Variants in NDUFS4 observed in about 807,000 individuals in gnomAD.
NDUFS4 encodes the protein NADH dehydrogenase [ubiquinone] iron-sulfur protein 4, mitochondrial.
Under a neutral mutation model 24.3 loss-of-function variants are expected in NDUFS4, and 28 were observed. The observed-to-expected ratio is 1.15, with a 90% CI of 0.85 to 1.58. The LOEUF (loss-of-function observed/expected upper bound fraction) is 1.58. Ranked by LOEUF, NDUFS4 falls within the 40% of genes most tolerant of loss-of-function variation. The pLI is 0.00. For missense variants in NDUFS4, 223 were observed against 207.9 expected (o/e 1.07, Z -0.45); for synonymous variants, 93 against 69.7 (o/e 1.34, Z -1.67).
rs574090961 is a variant in NDUFS4, at chr5:53,682,188, T to C, written c.425-930T>C. Among the ~76,000 whole-genome samples the C allele has an allele frequency of 6.0e-4, 92 of 152,218 alleles. 1 individual carries two copies. In the South Asian group the frequency reaches 0.018, roughly 30 times the overall value. On this transcript the variant is annotated intron_variant, in intron 4 of 4. Coordinates refer to ENST00000296684, the MANE Select transcript of NDUFS4 (RefSeq NM_002495.4). Reference sequence around the variant, plus strand: ...TTAGGGAATAAAAGAATGACTTAATTATATTTTTAAGGAGGAGGATGTTGA... The same window carrying C: ...TTAGGGAATAAAAGAATGACTTAATCATATTTTTAAGGAGGAGGATGTTGA...
intron 2 of NDUFS4, among the ~76,000 whole-genome samples, chr5:53,607,286 A>G (rs1346026369): frequency 6.6e-6 from 1 of 152,202 alleles, no homozygotes; most frequent in Non-Finnish European, 1.5e-5. Context: ...CGGTCTTTAA[A>G]TACTAGAAAG....
chr5:53,663,993 G>A (rs1401720621), intron 4 of NDUFS4, among the ~76,000 whole-genome samples: 1 of 152,130 alleles, frequency 6.6e-6, no homozygotes, highest in Non-Finnish European at 1.5e-5. Flanking sequence ...TCCATGTGTA[G>A]TGCTTCCTTC....
chr5:53,625,635 A>G (rs1017617746), intron 2 of NDUFS4, among the ~76,000 whole-genome samples: 4 of 152,094 alleles, frequency 2.6e-5, no homozygotes, highest in Admixed American at 6.5e-5. Flanking sequence ...CCAATTTTCT[A>G]TTAATCCCTT....
At chr5:53,604,235 A>G (rs1750426808) in intron 2 of NDUFS4, among the ~76,000 whole-genome samples, 1 of 152,192 alleles carries the variant, frequency 6.6e-6, no homozygotes, top group South Asian at 2.1e-4. Flanking sequence ...TTCATTTTAT[A>G]TCTGGTTTAC....
chr5:53,641,986 A>G (rs1447086158), intron 2 of NDUFS4, among the ~76,000 whole-genome samples: 6 of 152,166 alleles, frequency 3.9e-5, no homozygotes, highest in Non-Finnish European at 8.8e-5. Flanking sequence ...ACTGTTCAGC[A>G]TTGATCCATA....
At chr5:53,595,640 T>C (rs879288411) in intron 1 of NDUFS4, among the ~76,000 whole-genome samples, 1 of 152,212 alleles carries the variant, frequency 6.6e-6, no homozygotes, top group Non-Finnish European at 1.5e-5. Context: ...TCCGGTTTCT[T>C]TGTTAGCATC....
At chr5:53,631,662 A>G (rs1751414007) in intron 2 of NDUFS4, among the ~76,000 whole-genome samples, 1 of 152,152 alleles carries the variant, frequency 6.6e-6, no homozygotes, top group Admixed American at 6.5e-5. Context: ...TCCCAGCAGC[A>G]TTGTTTACAC....
chr5:53,601,128 C>T (rs1241537685), intron 1 of NDUFS4, among the ~76,000 whole-genome samples: 1 of 151,688 alleles, frequency 6.6e-6, no homozygotes, highest in Non-Finnish European at 1.5e-5. Flanking sequence ...CCTCAGCCTC[C>T]GAGTAGCTGC....
Position 53,666,151 on chromosome 5 carries a change from T to C in NDUFS4, c.424+7527T>C, listed in dbSNP as rs184695950. On this transcript the variant is annotated intron_variant, in intron 4 of 4. Coordinates refer to ENST00000296684, the MANE Select transcript of NDUFS4 (RefSeq NM_002495.4). ...CTCTCTTTGTGAACTGTAACATAGT[T>C]ATGAAAAACAGTTCCATTAATTTTT... 8.8e-3 allele frequency among the ~76,000 whole-genome samples: 1,342 copies of C among 152,360 alleles called. 8 individuals are homozygous for C. Among genetic ancestry groups the C allele is most frequent in the Middle Eastern group, 0.02 (6 of 294 alleles).
intron 4 of NDUFS4, among the ~76,000 whole-genome samples, chr5:53,666,354 G>A (rs189526121): frequency 6.6e-6 from 1 of 152,254 alleles, no homozygotes; most frequent in East Asian, 1.9e-4. Flanking sequence ...GCCAGTGTGA[G>A]CTCACCACTG....
intron 1 of NDUFS4, among the ~76,000 whole-genome samples, chr5:53,577,684 C>T (rs1749429685): frequency 2.6e-5 from 4 of 152,076 alleles, no homozygotes; most frequent in Admixed American, 2.0e-4. Context: ...ATTTGTTTTA[C>T]TCACCTGTTC....
Position 53,560,667 on chromosome 5 carries a change from C to G in NDUFS4, c.5C>G (p.Ala2Gly). ...CTGGCGTTTGCCTGCAGCAAGATGG[C>G]GGCGGTGTCAATGTCAGTGGTACTG... is the stretch of plus-strand genomic sequence containing the variant. M[A>G]AVSMSVVLRQ... The change falls in exon 1 of 5, where the codon GCG becomes GGG. Residue 2 changes from alanine (A) to glycine (G), a missense_variant. Transcript: ENST00000296684. The G allele has an allele frequency of 1.2e-6, 2 of 1,614,212 alleles. No individual in the cohort carries two copies. The highest frequency in any genetic ancestry group is 1.7e-6 in the Non-Finnish European group (2 of 1,180,044).
chr5:53,576,317 GA>G (rs767846668), intron 1 of NDUFS4, among the ~76,000 whole-genome samples: 1 of 151,990 alleles, frequency 6.6e-6, no homozygotes, highest in African/African-American at 2.4e-5. Flanking sequence ...GCTTAGGCAA[GA>G]AGAGAGAATT....
intron 1 of NDUFS4, among the ~76,000 whole-genome samples, chr5:53,582,045 A>G (rs1579833047): frequency 6.6e-6 from 1 of 151,880 alleles, no homozygotes; most frequent in Non-Finnish European, 1.5e-5. Flanking sequence ...CCCTGTCTCT[A>G]CTAAAAATAC....
rs150153636 is a variant in NDUFS4, at chr5:53,668,595, A to C, written c.424+9971A>C. ...TGCCTCAGCTTCCTGGACTACAGGC[A>C]TGCACCACCATGTCCAGCTAATTTT... On this transcript the variant is annotated intron_variant, in intron 4 of 4. Transcript: ENST00000296684. Among the ~76,000 whole-genome samples, 959 of 149,536 alleles carry C rather than the reference A, an allele frequency of 6.4e-3. 12 individuals carry two copies. The highest frequency in any genetic ancestry group is 0.022 in the African/African-American group (889 of 40,670).
At chr5:53,594,971 A>G (rs2112446688) in intron 1 of NDUFS4, among the ~76,000 whole-genome samples, 1 of 152,194 alleles carries the variant, frequency 6.6e-6, no homozygotes, top group African/African-American at 2.4e-5. Flanking sequence ...AGGGATTCAG[A>G]CATTATGCTT....
chr5:53,646,524 G>C, intron 3 of NDUFS4, 119 bp downstream of exon 3: 5 of 1,024,762 alleles, frequency 4.9e-6, no homozygotes, highest in Admixed American at 1.9e-5. Context: ...ACTTTTTGAC[G>C]CTGTTAAGTA....
chr5:53,659,234 G>C (rs936682220), intron 4 of NDUFS4, among the ~76,000 whole-genome samples: 1 of 152,070 alleles, frequency 6.6e-6, no homozygotes, highest in Non-Finnish European at 1.5e-5. Context: ...GGGTTATGTT[G>C]ATCTTGCTAT....
intron 3 of NDUFS4, among the ~76,000 whole-genome samples, chr5:53,651,649 G>A (rs1475994765): frequency 6.6e-6 from 1 of 151,914 alleles, no homozygotes; most frequent in East Asian, 1.9e-4. Context: ...GTTTTTTGCT[G>A]TGGGTCAAAG....
Sources: gnomAD v4.1 joint callset for allele counts (sites outside exome capture counted in the v4.1 genomes callset) on GRCh38, gnomAD v4.1.1 for gene constraint, MANE v1.5 for transcripts, NCBI Gene and HGNC (gene_info 2026-07-23, HGNC 2026-07-21) for gene names.